Variants in EIF4G3 observed in about 807,000 individuals in gnomAD.
The protein encoded by EIF4G3 is eIF-4-gamma 3.
A neutral mutation model predicts 186.4 loss-of-function variants in EIF4G3; 34 were observed. The ratio of observed to expected loss-of-function variants is 0.18; its 90% CI spans 0.14 to 0.24. EIF4G3 has a LOEUF of 0.24. EIF4G3 is among the 10% of genes least tolerant of loss of function. The pLI is 1.00. For missense variants in EIF4G3, 1,536 were observed against 1,948.5 expected (o/e 0.79, Z 3.99); for synonymous variants, 673 against 679.5 (o/e 0.99, Z 0.15).
chr1:21,087,562 A>C (rs2096028852), intron 3 of EIF4G3, among the ~76,000 whole-genome samples: 1 of 152,192 alleles, frequency 6.6e-6, no homozygotes, highest in Non-Finnish European at 1.5e-5. Context: ...TGGGAGGTGG[A>C]GGCAGGAGGA....
chr1:20,840,954 G>T lies in EIF4G3; in HGVS notation c.3963C>A (p.Ser1321=), dbSNP rs1221754395. ...TGGTGATCTGGCTCCTTTCCAGGGT[G>T]GACTCCACTCCCACTCTCACAAAAA... is the stretch of plus-strand genomic sequence containing the variant. ...LHVFVRVGVE[S]TLERSQITRD... The change falls in exon 30 of 37, where the codon TCC becomes TCA. Residue 1321 remains serine (S), a synonymous_variant. Coordinates refer to ENST00000602326, the MANE Select transcript of EIF4G3 (RefSeq NM_001391906.1). 1 of 1,614,050 alleles carries T rather than the reference G, an allele frequency of 6.2e-7. No homozygotes were observed. The highest frequency in any genetic ancestry group is 2.2e-5 in the East Asian group (1 of 44,876).
intron 3 of EIF4G3, among the ~76,000 whole-genome samples, chr1:21,068,284 G>T (rs947796634): frequency 7.4e-5 from 11 of 149,188 alleles, no homozygotes; most frequent in African/African-American, 2.7e-4. Context: ...CATGAGTATC[G>T]CTTGAACCTA....
At chr1:20,981,899 A>G (rs2078370124) in intron 8 of EIF4G3, among the ~76,000 whole-genome samples, 1 of 152,164 alleles carries the variant, frequency 6.6e-6, no homozygotes, top group Non-Finnish European at 1.5e-5. Flanking sequence ...GACTCTGATA[A>G]AGAGTAAGTG....
intron 3 of EIF4G3, among the ~76,000 whole-genome samples, chr1:21,058,682 A>G (rs2094696451): frequency 7.2e-6 from 1 of 138,034 alleles, no homozygotes; most frequent in East Asian, 2.2e-4. Context: ...ACATGCCACC[A>G]TGCCCAGTAA....
At chr1:21,099,307 T>C (rs1003935552) in intron 2 of EIF4G3, among the ~76,000 whole-genome samples, 1 of 152,212 alleles carries the variant, frequency 6.6e-6, no homozygotes, top group Non-Finnish European at 1.5e-5. Flanking sequence ...CACAAAACCC[T>C]GAACACAAAT....
At chr1:20,984,311 G>A (rs1006775258) in intron 7 of EIF4G3, among the ~76,000 whole-genome samples, 3 of 150,116 alleles carry the variant, frequency 2.0e-5, no homozygotes, top group African/African-American at 7.4e-5. Context: ...GACTATGGGT[G>A]CCCACCACCA....
Position 20,964,772 on chromosome 1 carries a change from A to C in EIF4G3, c.714+4702T>G, listed in dbSNP as rs2074242162. ...TTTGTTCCTCATCTCACTGACCCAA[A>C]ACACAACATATCCCATAGCTGCTGA... On this transcript the variant is annotated intron_variant, in intron 12 of 36. Transcript: ENST00000602326. Among the ~76,000 whole-genome samples, 6 of 152,284 alleles carry C rather than the reference A, an allele frequency of 3.9e-5. No homozygotes were observed. The South Asian group carries it at 1.2e-3, about 32-fold the overall frequency.
intron 14 of EIF4G3, among the ~76,000 whole-genome samples, chr1:20,918,739 T>C (rs925490450): frequency 8.9e-5 from 13 of 146,858 alleles, no homozygotes; most frequent in African/African-American, 3.3e-4. Context: ...AGAGGCAGGT[T>C]CTCACTATGT....
chr1:20,976,314 TA>T (rs2076857690), intron 10 of EIF4G3, among the ~76,000 whole-genome samples: 1 of 151,876 alleles, frequency 6.6e-6, no homozygotes, highest in African/African-American at 2.4e-5. Flanking sequence ...CTCCTAATGC[TA>T]TCCCTCCCCC....
chr1:20,951,731 GA>G (rs1268852310), intron 12 of EIF4G3, among the ~76,000 whole-genome samples: 1 of 137,462 alleles, frequency 7.3e-6, no homozygotes, highest in Non-Finnish European at 1.6e-5. Flanking sequence ...AATTGCCTGG[GA>G]AATTAATAAC....
At chr1:21,174,200 C>T (rs1048439629) in intron 2 of EIF4G3, among the ~76,000 whole-genome samples, 4 of 152,190 alleles carry the variant, frequency 2.6e-5, no homozygotes, top group African/African-American at 9.6e-5. Flanking sequence ...AAATTATCTA[C>T]ACTGGAACTT....
chr1:20,947,705 AGC>A (rs2096028633), intron 13 of EIF4G3, among the ~76,000 whole-genome samples: 1 of 152,328 alleles, frequency 6.6e-6, no homozygotes, highest in Admixed American at 6.5e-5. Context: ...GTAATTCCAG[AGC>A]ATTAGTTATA....
At chr1:21,051,917 CAT>C (rs141330074) in intron 3 of EIF4G3, among the ~76,000 whole-genome samples, 4,375 of 152,160 alleles carry the variant, frequency 0.029, 83 homozygotes, top group Non-Finnish European at 0.048. Context: ...TATACATACA[CAT>C]GTGTAGGAAT....
chr1:20,971,491 T>C (rs1244421307), intron 11 of EIF4G3, among the ~76,000 whole-genome samples: 1 of 152,246 alleles, frequency 6.6e-6, no homozygotes, highest in Non-Finnish European at 1.5e-5. Context: ...ACTTCTATCA[T>C]GCTGATTCAA....
chr1:20,968,265 C>T (rs1160327594), intron 12 of EIF4G3, among the ~76,000 whole-genome samples: 5 of 151,894 alleles, frequency 3.3e-5, no homozygotes, highest in South Asian at 2.1e-4. Flanking sequence ...CCACAGCCTC[C>T]GTCTCCTGGG....
intron 4 of EIF4G3, among the ~76,000 whole-genome samples, chr1:21,049,071 T>C (rs867561929): frequency 2.6e-5 from 4 of 152,202 alleles, no homozygotes; most frequent in Non-Finnish European, 5.9e-5. Flanking sequence ...ATCTAATGTT[T>C]TGAATTGTCT....
intron 36 of EIF4G3, among the ~76,000 whole-genome samples, chr1:20,808,333 T>G (rs575397200): frequency 6.6e-6 from 1 of 152,142 alleles, no homozygotes; most frequent in African/African-American, 2.4e-5. Flanking sequence ...TTACAAAATT[T>G]GGGGGAAGGG....
At chr1:20,933,105 G>A (rs1179887659) in intron 14 of EIF4G3, among the ~76,000 whole-genome samples, 2 of 152,190 alleles carry the variant, frequency 1.3e-5, no homozygotes, top group Non-Finnish European at 2.9e-5. Context: ...AACTTGAGAA[G>A]TTTAGAGTTC....
At chr1:20,824,012 T>C (rs2063021676) in intron 33 of EIF4G3, among the ~76,000 whole-genome samples, 1 of 152,246 alleles carries the variant, frequency 6.6e-6, no homozygotes, top group Non-Finnish European at 1.5e-5. Flanking sequence ...TAAGTCAACT[T>C]TTTCCATGAC....
Sources: gnomAD v4.1 joint callset for allele counts (sites outside exome capture counted in the v4.1 genomes callset) on GRCh38, gnomAD v4.1.1 for gene constraint, MANE v1.5 for transcripts, NCBI Gene and HGNC (gene_info 2026-07-23, HGNC 2026-07-21) for gene names.